The following MBNL2 variants were observed in gnomAD, a reference collection of about 807,000 sequenced individuals.
MBNL2 encodes the protein muscleblind like splicing regulator 2.
Under a neutral mutation model 41.9 loss-of-function variants are expected in MBNL2, and 17 were observed. The observed-to-expected ratio is 0.41, with a 90% CI of 0.28 to 0.61. The LOEUF is 0.61. Among genes scored for constraint, MBNL2 ranks in the 20% least tolerant of loss-of-function variants. MBNL2 has a pLI of 0.35. For synonymous variants in MBNL2, 195 were observed against 182.9 expected (o/e 1.07, Z -0.53); for missense variants, 336 against 505.6 (o/e 0.66, Z 3.22).
intron 8 of MBNL2, among the ~76,000 whole-genome samples, chr13:97,380,691 T>C (rs961493492): frequency 1.3e-5 from 2 of 152,078 alleles, no homozygotes; most frequent in African/African-American, 4.8e-5. Flanking sequence ...AGAAAGTAAA[T>C]GGTGATGCTG....
At chr13:97,314,377 T>A (rs13378288) in intron 2 of MBNL2, among the ~76,000 whole-genome samples, 2,747 of 152,296 alleles carry the variant, frequency 0.018, 71 homozygotes, top group African/African-American at 0.059. Context: ...GTTCTGTTTT[T>A]CTCTCTAGCA....
chr13:97,311,001 G>C (rs954850873), intron 2 of MBNL2, among the ~76,000 whole-genome samples: 1 of 152,098 alleles, frequency 6.6e-6, no homozygotes, highest in Non-Finnish European at 1.5e-5. Context: ...GATATGCTGA[G>C]TGCTCAGATA....
chr13:97,161,547 T>G, the MBNL2 span, among the ~76,000 whole-genome samples: 1 of 152,162 alleles, frequency 6.6e-6, no homozygotes, highest in Non-Finnish European at 1.5e-5. Context: ...TCAGGATAAA[T>G]TTATACAAAC....
chr13:97,204,351 G>T, the MBNL2 span, among the ~76,000 whole-genome samples: 1,690 of 152,250 alleles, frequency 0.011, 43 homozygotes, highest in African/African-American at 0.038. Flanking sequence ...TAGTGCCTTG[G>T]TCAGTTATTA....
intron 5 of MBNL2, among the ~76,000 whole-genome samples, chr13:97,353,880 T>G (rs2062735042): frequency 6.6e-6 from 1 of 152,184 alleles, no homozygotes; most frequent in Non-Finnish European, 1.5e-5. Flanking sequence ...GAACTTTGAT[T>G]GGCATCCTGC....
chr13:97,350,816 T>C (rs1378143959), intron 5 of MBNL2, among the ~76,000 whole-genome samples: 2 of 152,248 alleles, frequency 1.3e-5, no homozygotes, highest in East Asian at 3.8e-4. Flanking sequence ...CATTTAAGTC[T>C]TGAACCCCTC....
the MBNL2 span, among the ~76,000 whole-genome samples, chr13:97,177,029 C>A: frequency 6.6e-6 from 1 of 152,142 alleles, no homozygotes; most frequent in Non-Finnish European, 1.5e-5. Context: ...GTATAGTTAT[C>A]TTTGCCATAG....
In MBNL2 at chr13:97,268,598, C is replaced by T. The variant is rs1166605774; in HGVS notation, c.-604-7034C>T. The stretch of plus-strand genomic sequence containing the variant: ...TGCTGGAATTTTCCTACAGATAATA[C>T]TGGAATTCCCCATTCAGAGCATTAG... On this transcript the variant is annotated intron_variant, in intron 1 of 8. Coordinates refer to ENST00000679496, the MANE Select transcript of MBNL2 (RefSeq NM_001382683.1). This position sits in a 1 kb window ranked among gnomAD's most constrained non-coding sequence, Gnocchi z 4.6. 2.6e-5 allele frequency among the ~76,000 whole-genome samples: 4 copies of T among 152,206 alleles called. No homozygotes were observed. The highest frequency in any genetic ancestry group is 9.7e-5 in the African/African-American group (4 of 41,444).
At chr13:97,228,479 CAT>C (rs899217244) in intron 1 of MBNL2, among the ~76,000 whole-genome samples, 4 of 150,680 alleles carry the variant, frequency 2.7e-5, no homozygotes, top group African/African-American at 2.4e-5. Flanking sequence ...GTGATAGTAA[CAT>C]ATATATATCT....
rs1236473185 is a variant in MBNL2, at chr13:97,366,065, A to G, written c.1048+894A>G. Among the ~76,000 whole-genome samples the G allele has an allele frequency of 4.6e-5, 7 of 152,212 alleles. 1 individual carries two copies. Among genetic ancestry groups the G allele is most frequent in the Admixed American group, 4.6e-4 (7 of 15,290 alleles). On this transcript the variant is annotated intron_variant, in intron 8 of 8. Transcript: ENST00000679496. This position sits in a 1 kb window ranked among gnomAD's most constrained non-coding sequence, Gnocchi z 4.7. ...TTGGATGTCTCAGAGTTTATGATTA[A>G]AAGTGATGATCACATATTCTTACTT...
the MBNL2 span, among the ~76,000 whole-genome samples, chr13:97,153,112 AG>A: frequency 6.6e-6 from 1 of 152,242 alleles, no homozygotes; most frequent in Non-Finnish European, 1.5e-5. Flanking sequence ...CAAATAAAAA[AG>A]TAAAAAATTA....
At chr13:97,170,114 T>G in the MBNL2 span, among the ~76,000 whole-genome samples, 1 of 152,256 alleles carries the variant, frequency 6.6e-6, no homozygotes, top group African/African-American at 2.4e-5. Flanking sequence ...CATTGACCCC[T>G]TTCAGTTTTT....
chr13:97,337,487 C>G (rs2060987966), intron 3 of MBNL2, among the ~76,000 whole-genome samples: 1 of 152,168 alleles, frequency 6.6e-6, no homozygotes, highest in Admixed American at 6.5e-5. Flanking sequence ...GTTCCAAGAG[C>G]TGGATATTTC....
chr13:97,353,882 G>A (rs1037085934), intron 5 of MBNL2, among the ~76,000 whole-genome samples: 12 of 152,206 alleles, frequency 7.9e-5, no homozygotes, highest in Middle Eastern at 3.4e-3. Context: ...ACTTTGATTG[G>A]CATCCTGCTT....
At position 97,366,342 on chromosome 13, in the gene MBNL2, T is replaced by C. The variant is rs2063838288; in HGVS notation, c.1048+1171T>C. 1.7e-6 allele frequency: 1 copy of C among 603,330 alleles called. No homozygotes were observed. Among genetic ancestry groups the C allele is most frequent in the Admixed American group, 2.7e-5 (1 of 36,838 alleles). The allele number at this position is 603,330 out of a possible 1,614,324, so 37.4% of individuals were successfully genotyped here. On this transcript the variant is annotated intron_variant, in intron 8 of 8. Transcript: ENST00000679496. This position sits in a 1 kb window ranked among gnomAD's most constrained non-coding sequence, Gnocchi z 4.7. ...CTTTGCATTGTGATTGCATGCCATC[T>C]GCTGGTTTAACCCATGATGGCTTGC...
chr13:97,203,042 G>A, the MBNL2 span, among the ~76,000 whole-genome samples: 15 of 152,176 alleles, frequency 9.9e-5, no homozygotes, highest in African/African-American at 3.4e-4. Flanking sequence ...CTTTGGGGAG[G>A]AGTGACATGA....
intron 2 of MBNL2, among the ~76,000 whole-genome samples, chr13:97,333,809 A>G (rs1388877194): frequency 6.6e-6 from 1 of 152,150 alleles, no homozygotes; most frequent in Non-Finnish European, 1.5e-5. Flanking sequence ...CTGATAGCCC[A>G]CAATAGATAT....
intron 2 of MBNL2, among the ~76,000 whole-genome samples, chr13:97,329,621 ACACACTAGACACACAACAC>A: frequency 6.8e-6 from 1 of 146,144 alleles, no homozygotes; most frequent in African/African-American, 2.5e-5. Context: ...CAACACACAC[ACACACTAGACACACAACAC>A]ACACACAATA....
intron 5 of MBNL2, among the ~76,000 whole-genome samples, chr13:97,350,641 C>A (rs1402867060): frequency 6.6e-6 from 1 of 152,192 alleles, no homozygotes; most frequent in African/African-American, 2.4e-5. Context: ...AGAGTAGAAC[C>A]CATCTCAAGA....
Sources: gnomAD v4.1 joint callset for allele counts (sites outside exome capture counted in the v4.1 genomes callset) on GRCh38, gnomAD v4.1.1 for gene constraint, Gnocchi (gnomAD v3.1) non-coding constraint, MANE v1.5 for transcripts, NCBI Gene and HGNC (gene_info 2026-07-23, HGNC 2026-07-21) for gene names.